TRAPPC9: variants seen among roughly 807,000 people sequenced by gnomAD.
TRAPPC9 encodes the protein IKK2 binding protein.
A neutral mutation model predicts 124.0 loss-of-function variants in TRAPPC9; 83 were observed. That is an observed-to-expected ratio of 0.67 (90% CI 0.56 to 0.80). The LOEUF (loss-of-function observed/expected upper bound fraction) is 0.80, where lower values mean the gene tolerates loss of function less well. Among genes scored for constraint, TRAPPC9 ranks in the 30% least tolerant of loss-of-function variants. The pLI, the probability that TRAPPC9 is intolerant of heterozygous loss-of-function variation, is 0.00. For synonymous variants in TRAPPC9, 638 were observed against 617.5 expected (o/e 1.03, Z -0.49); for missense variants, 1,302 against 1,508.3 (o/e 0.86, Z 2.27).
chr8:139,785,541 C>T (rs974858668), intron 21 of TRAPPC9, among the ~76,000 whole-genome samples: 2 of 99,958 alleles, frequency 2.0e-5, no homozygotes, highest in Admixed American at 1.1e-4. Context: ...CTACTAAACA[C>T]ACACACACAC....
intron 17 of TRAPPC9, chr8:140,099,955 G>A (rs1400497881): frequency 6.6e-6 from 1 of 150,880 alleles, no homozygotes; most frequent in African/African-American, 2.4e-5. Context: ...TACCCAGCTA[G>A]GTCTCAGCGC....
At chr8:139,996,298 C>T (rs183618130) in intron 18 of TRAPPC9, among the ~76,000 whole-genome samples, 11 of 151,278 alleles carry the variant, frequency 7.3e-5, no homozygotes, top group Admixed American at 5.3e-4. Flanking sequence ...CATTGACCAC[C>T]CAGATCTCAC....
intron 19 of TRAPPC9, among the ~76,000 whole-genome samples, chr8:139,965,189 T>G (rs897772619): frequency 6.6e-6 from 1 of 152,206 alleles, no homozygotes; most frequent in East Asian, 1.9e-4. Flanking sequence ...CTGCAGGCCC[T>G]CAGCCCCTAG....
intron 20 of TRAPPC9, among the ~76,000 whole-genome samples, chr8:139,895,530 AT>A (rs1273814215): frequency 5.9e-5 from 9 of 152,228 alleles, no homozygotes; most frequent in African/African-American, 2.2e-4. Flanking sequence ...TTTTAAAACG[AT>A]TTTGAACCAT....
chr8:140,376,077 AG>A (rs1443601930), intron 7 of TRAPPC9, among the ~76,000 whole-genome samples: 2 of 152,222 alleles, frequency 1.3e-5, no homozygotes, highest in Non-Finnish European at 2.9e-5. Flanking sequence ...ATCCCGGAGT[AG>A]GGGTATGAGG....
At chr8:140,394,342 C>G (rs576527973) in intron 7 of TRAPPC9, among the ~76,000 whole-genome samples, 1 of 152,352 alleles carries the variant, frequency 6.6e-6, no homozygotes, top group African/African-American at 2.4e-5. Context: ...ACCCTCCAAT[C>G]TGATCATAAC....
At chr8:140,393,891 G>A (rs928287317) in intron 7 of TRAPPC9, among the ~76,000 whole-genome samples, 7 of 152,184 alleles carry the variant, frequency 4.6e-5, no homozygotes, top group African/African-American at 1.7e-4. Context: ...ATGGAGATGA[G>A]TCAACTCAAG....
intron 21 of TRAPPC9, among the ~76,000 whole-genome samples, chr8:139,775,934 G>C (rs1344463616): frequency 6.6e-6 from 1 of 152,204 alleles, no homozygotes; most frequent in Non-Finnish European, 1.5e-5. Context: ...GCACACCCAA[G>C]GCAGGTCCAC....
chr8:140,314,547 C>T (rs2066394118), intron 9 of TRAPPC9, among the ~76,000 whole-genome samples: 1 of 152,186 alleles, frequency 6.6e-6, no homozygotes, highest in African/African-American at 2.4e-5. Context: ...CCAGAACTTA[C>T]TTCTCCTAAC....
intron 19 of TRAPPC9, among the ~76,000 whole-genome samples, chr8:139,923,367 C>T (rs1021869504): frequency 6.6e-6 from 1 of 152,206 alleles, no homozygotes; most frequent in African/African-American, 2.4e-5. Flanking sequence ...ATGTAAAATG[C>T]CATGCCGTGG....
chr8:140,236,525 C>A (rs1407104995), intron 16 of TRAPPC9, among the ~76,000 whole-genome samples: 1 of 152,202 alleles, frequency 6.6e-6, no homozygotes, highest in African/African-American at 2.4e-5. Flanking sequence ...TTATTTATAT[C>A]ATGAGCTGGG....
At chr8:140,157,831 G>A (rs1265442465) in intron 17 of TRAPPC9, among the ~76,000 whole-genome samples, 1 of 152,090 alleles carries the variant, frequency 6.6e-6, no homozygotes, top group Non-Finnish European at 1.5e-5. Flanking sequence ...TAACATCTTG[G>A]TGTATATTCT....
intron 19 of TRAPPC9, among the ~76,000 whole-genome samples, chr8:139,916,948 C>A (rs1460830162): frequency 6.6e-6 from 1 of 152,202 alleles, no homozygotes; most frequent in African/African-American, 2.4e-5. Context: ...CTGTGCAGAA[C>A]ACCAGCCTAT....
chr8:140,038,913 A>G (rs1841083811), intron 17 of TRAPPC9, among the ~76,000 whole-genome samples: 1 of 152,214 alleles, frequency 6.6e-6, no homozygotes, highest in Non-Finnish European at 1.5e-5. Context: ...CAGAGACAGA[A>G]CACCCAGCAT....
intron 9 of TRAPPC9, among the ~76,000 whole-genome samples, chr8:140,315,119 T>C (rs1298411610): frequency 6.6e-6 from 1 of 152,180 alleles, no homozygotes; most frequent in East Asian, 1.9e-4. Context: ...GACTTTTTGA[T>C]AATAGGTATT....
intron 21 of TRAPPC9, among the ~76,000 whole-genome samples, chr8:139,795,842 C>T (rs1489859074): frequency 6.6e-6 from 1 of 152,160 alleles, no homozygotes; most frequent in African/African-American, 2.4e-5. Context: ...CTCAAAATGG[C>T]ACACGGAGGG....
intron 17 of TRAPPC9, among the ~76,000 whole-genome samples, chr8:140,135,743 T>C (rs972835561): frequency 6.6e-6 from 1 of 152,246 alleles, no homozygotes; most frequent in African/African-American, 2.4e-5. Context: ...ATGCAGTTAA[T>C]GCCACTGGCT....
chr8:140,458,394 C>G (rs769687854), upstream of TRAPPC9: 1 of 1,597,182 alleles, frequency 6.3e-7, no homozygotes, highest in East Asian at 2.3e-5. Flanking sequence ...CCTCACGGTA[C>G]CCCCCGTGAC....
Position 140,371,002 on chromosome 8 carries a change from C to G in TRAPPC9, c.1313G>C (p.Gly438Ala). ...TTTGGGATCCAGCGACAGACTGTAG[C>G]CGGGCAGCGTTTCCAGGAGGAGTTT... Reference protein sequence around the residue: ...CYKLLLETLPGYSLSLDPKDF... With the variant: ...CYKLLLETLPAYSLSLDPKDF... The change falls in exon 8 of 23, where the codon GGC becomes GCC. Residue 438 changes from glycine (G) to alanine (A), a missense_variant. By Grantham distance (60) the Gly-to-Ala change is moderately conservative. Around this residue, in one of 3 missense-constraint regions of TRAPPC9, gnomAD observed 657 missense variants for 811.2 expected, o/e 0.81. Coordinates refer to ENST00000438773, the MANE Select transcript of TRAPPC9 (RefSeq NM_001160372.4). The G allele has an allele frequency of 6.2e-7, 1 of 1,614,262 alleles. No individual in the cohort carries two copies. The highest frequency in any genetic ancestry group is 8.5e-7 in the Non-Finnish European group (1 of 1,180,046).
Sources: allele counts gnomAD v4.1 joint callset (sites outside exome capture counted in the v4.1 genomes callset), GRCh38; gene constraint gnomAD v4.1.1; regional missense constraint gnomAD v4.1.1; transcripts MANE v1.5; gene names NCBI Gene and HGNC (gene_info 2026-07-23, HGNC 2026-07-21).